Variants in ZNF831 observed in about 807,000 individuals in gnomAD.
The protein encoded by ZNF831 is chromosome 20 open reading frame 174.
In ZNF831, 59 loss-of-function variants were observed where a neutral mutation model predicts 95.8. That is an observed-to-expected ratio of 0.62 (90% confidence interval 0.50 to 0.77). The LOEUF (loss-of-function observed/expected upper bound fraction) is 0.77, where lower values mean the gene tolerates loss of function less well. ZNF831 is among the 30% of genes least tolerant of loss of function. The pLI is 0.00. For synonymous variants in ZNF831, 961 were observed against 925.5 expected (o/e 1.04, Z -0.70); for missense variants, 2,205 against 2,164.0 (o/e 1.02, Z -0.38).
Position 59,192,990 on chromosome 20 carries a change from C to T in ZNF831, c.1971C>T (p.Gly657=), listed in dbSNP as rs774412860. Residue 657 remains glycine (G), a synonymous_variant, in exon 2 of 6, where the codon GGC becomes GGT. Coordinates refer to ENST00000371030, the MANE Select transcript of ZNF831 (RefSeq NM_178457.3). This position sits in a 1 kb window ranked among gnomAD's most constrained non-coding sequence, Gnocchi z 5.2. ...GAATGGGCAGTGGGGCAGAACTGGG[C>T]TTTCCTCTGCAGAAAGAGGCAGCAG... is the stretch of plus-strand genomic sequence containing the variant. ...EVGMGSGAEL[G]FPLQKEAAGS... 12 of 1,580,786 alleles carry T rather than the reference C, an allele frequency of 7.6e-6. No individual in the cohort carries two copies. Among genetic ancestry groups the T allele is most frequent in the Non-Finnish European group, 2.6e-6 (3 of 1,165,042 alleles).
At chr20:59,218,895 C>A (rs1434353662) in intron 4 of ZNF831, among the ~76,000 whole-genome samples, 2 of 152,060 alleles carry the variant, frequency 1.3e-5, no homozygotes, top group East Asian at 3.9e-4. Context: ...CACCTGTAGT[C>A]CCAGCTACTT....
chr20:59,163,477 A>C (rs558742410), upstream of ZNF831, among the ~76,000 whole-genome samples: 1 of 152,316 alleles, frequency 6.6e-6, no homozygotes, highest in African/African-American at 2.4e-5. Flanking sequence ...TGCAGTGGAA[A>C]TGCTCATTCT....
At chr20:59,249,558 C>T (rs1201649636) in intron 4 of ZNF831, among the ~76,000 whole-genome samples, 2 of 152,084 alleles carry the variant, frequency 1.3e-5, no homozygotes, top group East Asian at 1.9e-4. Flanking sequence ...TGAAGGGGCC[C>T]AGGATGTGGT....
At chr20:59,198,670 G>A (rs908870717) in intron 3 of ZNF831, among the ~76,000 whole-genome samples, 1 of 152,224 alleles carries the variant, frequency 6.6e-6, no homozygotes, top group Non-Finnish European at 1.5e-5. Context: ...TCTGAACAAG[G>A]ACTTAGAGCT....
At chr20:59,125,255 T>A (rs1197738509) in intron 1 of ZNF831, among the ~76,000 whole-genome samples, 1 of 152,230 alleles carries the variant, frequency 6.6e-6, no homozygotes, top group African/African-American at 2.4e-5. Context: ...GCACTCGCCA[T>A]CCCTGGCCTC....
In ZNF831 at chr20:59,254,174, T is replaced by C. The variant is rs748262050; in HGVS notation, c.4465T>C (p.Ser1489Pro). The part of the protein sequence containing the change: ...GTFPHHDIAT[S>P]VAAVCISLPV... ...TTTTCCCCACCATGACATTGCTACC[T>C]CTGTGGCTGCCGTTTGTATTTCTCT... The change falls in exon 6 of 6, where the codon TCT becomes CCT. Residue 1489 changes from serine to proline, a missense_variant. Ser to Pro is a moderately conservative substitution (Grantham distance 74). Coordinates refer to ENST00000371030, the MANE Select transcript of ZNF831 (RefSeq NM_178457.3). The surrounding 1 kb of genome is among the most constrained non-coding windows in gnomAD (Gnocchi z 4.5). The C allele has an allele frequency of 6.2e-7, 1 of 1,614,102 alleles. No individual in the cohort carries two copies. The highest frequency in any genetic ancestry group is 8.5e-7 in the Non-Finnish European group (1 of 1,180,014).
chr20:59,143,047 G>T (rs1181603342), intron 1 of ZNF831, among the ~76,000 whole-genome samples: 2 of 152,120 alleles, frequency 1.3e-5, no homozygotes, highest in Non-Finnish European at 2.9e-5. Flanking sequence ...CCACAGATGT[G>T]CACTACCACA....
chr20:59,190,757 T>C (rs1229825774), intron 1 of ZNF831, among the ~76,000 whole-genome samples: 2 of 152,328 alleles, frequency 1.3e-5, no homozygotes, highest in South Asian at 2.1e-4. Flanking sequence ...TGGGTCCAAA[T>C]CCCGCTTTGC....
chr20:59,183,163 G>A (rs956301093), intron 1 of ZNF831, among the ~76,000 whole-genome samples: 29 of 152,328 alleles, frequency 1.9e-4, no homozygotes, highest in African/African-American at 6.5e-4. Context: ...AGAGGCCAAC[G>A]TGGGAACCGT....
intron 1 of ZNF831, among the ~76,000 whole-genome samples, chr20:59,189,409 C>T (rs768735530): frequency 9.2e-5 from 14 of 152,122 alleles, no homozygotes; most frequent in East Asian, 1.9e-4. Flanking sequence ...AGCTGGCTTG[C>T]GCAATTTTTG....
At chr20:59,224,963 T>C (rs908501643) in intron 4 of ZNF831, among the ~76,000 whole-genome samples, 1 of 152,228 alleles carries the variant, frequency 6.6e-6, no homozygotes, top group Admixed American at 6.5e-5. Context: ...TGTGATTTTT[T>C]TTTTTCCTTT....
chr20:59,223,827 C>T (rs565358314), intron 4 of ZNF831, among the ~76,000 whole-genome samples: 37 of 151,998 alleles, frequency 2.4e-4, no homozygotes, highest in African/African-American at 8.4e-4. Context: ...TTTAAACACA[C>T]ATACACGCAC....
chr20:59,250,712 G>A (rs1272787128), intron 4 of ZNF831, among the ~76,000 whole-genome samples: 1 of 152,074 alleles, frequency 6.6e-6, no homozygotes, highest in Non-Finnish European at 1.5e-5. Flanking sequence ...TATGAAGTAA[G>A]AACAGGATGC....
At chr20:59,239,648 G>C (rs556660154) in intron 4 of ZNF831, among the ~76,000 whole-genome samples, 2 of 150,884 alleles carry the variant, frequency 1.3e-5, no homozygotes, top group Non-Finnish European at 2.9e-5. Context: ...GGGTTCAAGC[G>C]ATTCTCCTGC....
At chr20:59,149,634 T>TGCAA (rs1455841002) in intron 2 of ZNF831, among the ~76,000 whole-genome samples, 1 of 152,218 alleles carries the variant, frequency 6.6e-6, no homozygotes, top group African/African-American at 2.4e-5. Flanking sequence ...AGCCTGGGCT[T>TGCAA]GGCCTGTCGG....
At chr20:59,212,132 T>C (rs1362794531) in intron 4 of ZNF831, among the ~76,000 whole-genome samples, 1 of 152,178 alleles carries the variant, frequency 6.6e-6, no homozygotes, top group East Asian at 1.9e-4. Context: ...TTTGTCTTCT[T>C]TATTTTTTGG....
intron 4 of ZNF831, among the ~76,000 whole-genome samples, chr20:59,210,856 C>CAAGGAGAAAAAAAAATT (rs1985253773): frequency 2.1e-5 from 3 of 141,150 alleles, no homozygotes; most frequent in Admixed American, 7.0e-5. Context: ...AAACCAAATC[C>CAAGGAGAAAAAAAAATT]CCCCGTCTCT....
chr20:59,211,447 G>C (rs993349627), intron 4 of ZNF831, among the ~76,000 whole-genome samples: 2 of 152,230 alleles, frequency 1.3e-5, no homozygotes, highest in African/African-American at 4.8e-5. Flanking sequence ...GAACCGGGAA[G>C]GCTAGTAGGG....
At chr20:59,140,783 G>A (rs943191798) in intron 1 of ZNF831, among the ~76,000 whole-genome samples, 6 of 152,094 alleles carry the variant, frequency 3.9e-5, no homozygotes, top group Admixed American at 1.3e-4. Context: ...TCTTATCATG[G>A]TTTTACTTTT....
Sources: gnomAD v4.1 joint callset for allele counts (sites outside exome capture counted in the v4.1 genomes callset) on GRCh38, gnomAD v4.1.1 for gene constraint, Gnocchi (gnomAD v3.1) non-coding constraint, MANE v1.5 for transcripts, NCBI Gene and HGNC (gene_info 2026-07-23, HGNC 2026-07-21) for gene names.